The following DCLK2 variants were observed in gnomAD, a reference collection of about 807,000 sequenced individuals.
DCLK2 encodes doublecortin like kinase 2, also known as serine/threonine-protein kinase DCLK2.
In DCLK2, 31 loss-of-function variants were observed where a neutral mutation model predicts 78.4. That is an observed-to-expected ratio of 0.40 (90% CI 0.30 to 0.53). The LOEUF (loss-of-function observed/expected upper bound fraction) is 0.53, where lower values mean the gene tolerates loss of function less well. DCLK2 is among the 20% of genes least tolerant of loss of function. The pLI, the probability that DCLK2 is intolerant of heterozygous loss-of-function variation, is 0.61. For synonymous variants in DCLK2, 407 were observed against 374.9 expected, an observed-to-expected ratio of 1.09 and a Z score of -0.99; for missense variants, 872 against 973.7, an observed-to-expected ratio of 0.90 and a Z score of 1.39.
At chr4:150,125,096 T>A (rs1284029960) in intron 2 of DCLK2, among the ~76,000 whole-genome samples, 1 of 152,214 alleles carries the variant, frequency 6.6e-6, no homozygotes, top group Non-Finnish European at 1.5e-5. Context: ...AGACTATGCA[T>A]GTTGTCATGT....
chr4:150,250,122 G>A (rs892388201), intron 15 of DCLK2, among the ~76,000 whole-genome samples: 1 of 152,088 alleles, frequency 6.6e-6, no homozygotes, highest in African/African-American at 2.4e-5. Context: ...ACATATTTCA[G>A]TTTTAAAAAA....
chr4:150,127,322 G>A (rs772906704), intron 2 of DCLK2, among the ~76,000 whole-genome samples: 14 of 152,146 alleles, frequency 9.2e-5, no homozygotes, highest in Non-Finnish European at 2.1e-4. Flanking sequence ...TGTGGTGTTT[G>A]CCAAATAGTA....
At chr4:150,251,838 C>T (rs923087803) in intron 15 of DCLK2, among the ~76,000 whole-genome samples, 4 of 150,380 alleles carry the variant, frequency 2.7e-5, no homozygotes, top group Admixed American at 6.6e-5. Flanking sequence ...ACCCACTGGG[C>T]CGTCATTCTC....
At chr4:150,149,080 C>A (rs1580599262) in intron 2 of DCLK2, among the ~76,000 whole-genome samples, 3 of 146,556 alleles carry the variant, frequency 2.0e-5, no homozygotes, top group African/African-American at 2.5e-5. Context: ...ACCATGGATA[C>A]CTGAAAGAAA....
chr4:150,215,055 A>C (rs1376822949), intron 5 of DCLK2, among the ~76,000 whole-genome samples: 1 of 152,170 alleles, frequency 6.6e-6, no homozygotes, highest in Non-Finnish European at 1.5e-5. Flanking sequence ...CATTCAAGAA[A>C]GTCAACTCAG....
intron 1 of DCLK2, among the ~76,000 whole-genome samples, chr4:150,086,513 T>A (rs116077230): frequency 0.54 from 66,688 of 122,436 alleles, 15,140 homozygotes; most frequent in Non-Finnish European, 0.61. Context: ...TTTATTTTTT[T>A]TTTTTTTTTT....
intron 7 of DCLK2, 78 bp downstream of exon 7, chr4:150,221,863 T>C: frequency 1.1e-6 from 1 of 947,238 alleles, no homozygotes; most frequent in South Asian, 1.9e-5. Context: ...AGATACAGTT[T>C]TCCTTGGAGT....
intron 1 of DCLK2, among the ~76,000 whole-genome samples, chr4:150,082,862 C>T (rs1185772231): frequency 6.6e-6 from 1 of 152,120 alleles, no homozygotes; most frequent in African/African-American, 2.4e-5. Flanking sequence ...GTCTTCTCTC[C>T]TTCTGAGCAT....
chr4:150,256,345 C>T lies in DCLK2; in HGVS notation c.*98C>T. 7.0e-7 allele frequency: 1 copy of T among 1,418,448 alleles called. No homozygotes were observed. Among genetic ancestry groups the T allele is most frequent in the Non-Finnish European group, 9.2e-7 (1 of 1,084,648 alleles). The allele number at this position is 1,418,448 out of a possible 1,614,324, so 87.9% of individuals were successfully genotyped here. ...CCTGCTGCAGGCCTCCCTCTCTTCA[C>T]CGCCTGCGCCTGAGTTCGCGGGTCC... On this transcript the variant is annotated 3_prime_UTR_variant, in exon 16 of 16. Transcript: ENST00000296550.
intron 1 of DCLK2, among the ~76,000 whole-genome samples, chr4:150,090,871 G>A (rs1392207044): frequency 6.6e-6 from 1 of 152,124 alleles, no homozygotes; most frequent in Non-Finnish European, 1.5e-5. Flanking sequence ...TGGTCTTTGA[G>A]GTGATCTTAT....
At chr4:150,127,990 A>G (rs1733036874) in intron 2 of DCLK2, among the ~76,000 whole-genome samples, 1 of 152,174 alleles carries the variant, frequency 6.6e-6, no homozygotes, top group Non-Finnish European at 1.5e-5. Flanking sequence ...GCTCAGAAGG[A>G]GCTGTGGGTA....
chr4:150,208,966 T>A (rs894671091), intron 5 of DCLK2, among the ~76,000 whole-genome samples: 7 of 152,200 alleles, frequency 4.6e-5, no homozygotes, highest in Admixed American at 2.0e-4. Flanking sequence ...TGGGATGATG[T>A]TCTGTGGTGG....
chr4:150,220,690 T>C lies in DCLK2; in HGVS notation c.1057-13T>C. The C allele has an allele frequency of 6.2e-7, 1 of 1,608,952 alleles. No individual in the cohort carries two copies. Among genetic ancestry groups the C allele is most frequent in the South Asian group, 1.1e-5 (1 of 90,528 alleles). Reference sequence around the variant, plus strand: ...AATTATCCTGATAAATAATGGTCATTCTCCTCTTTCAGCAGATTTCTGCTC... The same window carrying C: ...AATTATCCTGATAAATAATGGTCATCCTCCTCTTTCAGCAGATTTCTGCTC... On this transcript the variant is annotated splice_polypyrimidine_tract_variant and intron_variant, in intron 5 of 15. Transcript: ENST00000296550.
intron 2 of DCLK2, among the ~76,000 whole-genome samples, chr4:150,187,505 C>T (rs141622089): frequency 2.6e-4 from 39 of 152,300 alleles, no homozygotes; most frequent in African/African-American, 7.2e-4. Flanking sequence ...CCTTTCCTGA[C>T]CACCCTCTTT....
intron 2 of DCLK2, among the ~76,000 whole-genome samples, chr4:150,116,906 A>G (rs1732134808): frequency 6.6e-6 from 1 of 152,114 alleles, no homozygotes; most frequent in African/African-American, 2.4e-5. Context: ...CCCAGAGTGC[A>G]AAAGAGTGCC....
At chr4:150,131,504 G>A (rs12498375) in intron 2 of DCLK2, among the ~76,000 whole-genome samples, 35,468 of 151,930 alleles carry the variant, frequency 0.23, 4,558 homozygotes, top group African/African-American at 0.34. Context: ...AAAATGTGAC[G>A]AAGAACTACA....
At chr4:150,134,899 C>T (rs1440759000) in intron 2 of DCLK2, among the ~76,000 whole-genome samples, 7 of 152,012 alleles carry the variant, frequency 4.6e-5, no homozygotes, top group East Asian at 1.9e-4. Context: ...TTCACTGAGA[C>T]GGGGTGAACA....
chr4:150,214,953 CAAAA>C (rs60156550), intron 5 of DCLK2, among the ~76,000 whole-genome samples: 6 of 86,468 alleles, frequency 6.9e-5, no homozygotes, highest in Non-Finnish European at 1.2e-4. Flanking sequence ...CAGAGTGTCT[CAAAA>C]AAAAAAAAAA....
chr4:150,190,247 A>ACAGATAGAT (rs1199630630), intron 2 of DCLK2, among the ~76,000 whole-genome samples: 10 of 66,842 alleles, frequency 1.5e-4, no homozygotes, highest in African/African-American at 4.0e-4. Context: ...AGATAGATAG[A>ACAGATAGAT]TAGATAGATA....
Sources: gnomAD v4.1 joint callset for allele counts (sites outside exome capture counted in the v4.1 genomes callset) on GRCh38, gnomAD v4.1.1 for gene constraint, MANE v1.5 for transcripts, NCBI Gene and HGNC (gene_info 2026-07-23, HGNC 2026-07-21) for gene names.